GLMN: variants seen among roughly 807,000 people sequenced by gnomAD.
GLMN encodes glomulin, FKBP associated protein.
In GLMN, 75 loss-of-function variants were observed where a neutral mutation model predicts 87.8. The ratio of observed to expected loss-of-function variants is 0.85; its 90% CI spans 0.71 to 1.04. GLMN has a LOEUF of 1.04. Among genes scored for constraint, GLMN ranks in the 50% least tolerant of loss-of-function variants. GLMN has a pLI of 0.00. For missense variants in GLMN, 588 were observed against 658.8 expected, an observed-to-expected ratio of 0.89 and a Z score of 1.18; for synonymous variants, 206 against 221.6, an observed-to-expected ratio of 0.93 and a Z score of 0.63.
intron 16 of GLMN, among the ~76,000 whole-genome samples, chr1:92,262,282 AAG>A (rs1278287807): frequency 1.3e-5 from 2 of 152,234 alleles, no homozygotes; most frequent in Non-Finnish European, 2.9e-5. Flanking sequence ...ACAGGGTAGA[AAG>A]AGAAGATAAA....
At chr1:92,349,678 A>G in the GLMN span, among the ~76,000 whole-genome samples, 15 of 152,332 alleles carry the variant, frequency 9.8e-5, no homozygotes, top group East Asian at 2.9e-3. Flanking sequence ...CTATAATCCC[A>G]GCATTTTGGG....
At chr1:92,295,427 C>CTTTG (rs1255217964) in intron 3 of GLMN, among the ~76,000 whole-genome samples, 1 of 152,132 alleles carries the variant, frequency 6.6e-6, no homozygotes. Context: ...CTCTACTGAG[C>CTTTG]TCAAAACCTT....
At chr1:92,352,978 C>T in the GLMN span, among the ~76,000 whole-genome samples, 2 of 152,184 alleles carry the variant, frequency 1.3e-5, no homozygotes, top group South Asian at 2.1e-4. Context: ...GCTTCTTTCA[C>T]GTAACATGTT....
chr1:92,328,241 A>C, the GLMN span, among the ~76,000 whole-genome samples: 1 of 152,150 alleles, frequency 6.6e-6, no homozygotes, highest in Non-Finnish European at 1.5e-5. Flanking sequence ...TTATTCCCTC[A>C]AATATGTTTT....
At chr1:92,285,948 T>C (rs1210332984) in intron 7 of GLMN, among the ~76,000 whole-genome samples, 1 of 152,162 alleles carries the variant, frequency 6.6e-6, no homozygotes, top group Non-Finnish European at 1.5e-5. Context: ...TTTGAAAATA[T>C]TTATCACAGG....
chr1:92,358,656 C>T, the GLMN span, among the ~76,000 whole-genome samples: 1 of 152,058 alleles, frequency 6.6e-6, no homozygotes, highest in East Asian at 1.9e-4. Context: ...GGCACAGTCG[C>T]AGCTCACTAA....
intron 16 of GLMN, among the ~76,000 whole-genome samples, chr1:92,248,893 G>A (rs903407476): frequency 2.6e-5 from 4 of 152,062 alleles, no homozygotes; most frequent in East Asian, 3.9e-4. Context: ...TACTAGAGAG[G>A]ATCTAAAACC....
chr1:92,362,476 G>C, the GLMN span, among the ~76,000 whole-genome samples: 47 of 152,260 alleles, frequency 3.1e-4, no homozygotes, highest in South Asian at 9.7e-3. Flanking sequence ...TGTTTGTGTT[G>C]TCCCACCATT....
chr1:92,307,794 A>G, the GLMN span, among the ~76,000 whole-genome samples: 1 of 151,970 alleles, frequency 6.6e-6, no homozygotes, highest in East Asian at 1.9e-4. Context: ...TGATTTAAAT[A>G]CTGGCAATGT....
chr1:92,255,967 C>G (rs906087660), intron 16 of GLMN, among the ~76,000 whole-genome samples: 4 of 152,032 alleles, frequency 2.6e-5, no homozygotes, highest in African/African-American at 9.7e-5. Context: ...ATCAGTGAAT[C>G]CAGAAGCTGC....
chr1:92,253,722 T>G (rs1253667252), intron 16 of GLMN, among the ~76,000 whole-genome samples: 1 of 152,096 alleles, frequency 6.6e-6, no homozygotes, highest in Non-Finnish European at 1.5e-5. Flanking sequence ...GCAATAGCAT[T>G]AACGTCAACA....
At chr1:92,256,397 A>G (rs1284937406) in intron 16 of GLMN, among the ~76,000 whole-genome samples, 1 of 152,228 alleles carries the variant, frequency 6.6e-6, no homozygotes, top group Non-Finnish European at 1.5e-5. Flanking sequence ...TCCCTAACTC[A>G]TTTTATGAGG....
chr1:92,257,536 T>C (rs1176832319), intron 16 of GLMN, among the ~76,000 whole-genome samples: 1 of 152,154 alleles, frequency 6.6e-6, no homozygotes, highest in Non-Finnish European at 1.5e-5. Flanking sequence ...ATGGTACTGG[T>C]ACCAAAACAG....
At chr1:92,261,836 G>GAGGGTGGAGTGATAGAC (rs1553136985) in intron 16 of GLMN, among the ~76,000 whole-genome samples, 1 of 152,122 alleles carries the variant, frequency 6.6e-6, no homozygotes, top group African/African-American at 2.4e-5. Context: ...GTGATAGACA[G>GAGGGTGGAGTGATAGAC]AGGGTGGAGT....
chr1:92,276,225 CA>C (rs966343309), intron 7 of GLMN, among the ~76,000 whole-genome samples: 1 of 151,528 alleles, frequency 6.6e-6, no homozygotes, highest in African/African-American at 2.4e-5. Flanking sequence ...GACCCTATCT[CA>C]AAAAATATAT....
chr1:92,304,235 C>T, the GLMN span: 1 of 1,265,008 alleles, frequency 7.9e-7, no homozygotes, highest in Non-Finnish European at 1.1e-6. Context: ...ACATAACGTT[C>T]ATGTTTATTA....
the GLMN span, chr1:92,345,701 A>G: frequency 1.0e-5 from 6 of 580,662 alleles, no homozygotes; most frequent in Non-Finnish European, 1.8e-5. Context: ...TTATTATACT[A>G]TTGACTCTTT....
At chr1:92,312,786 C>T in the GLMN span, among the ~76,000 whole-genome samples, 2 of 151,976 alleles carry the variant, frequency 1.3e-5, no homozygotes, top group African/African-American at 4.8e-5. Flanking sequence ...ATATTTTGGC[C>T]TCCTCCCATG....
At chr1:92,325,051 T>G in the GLMN span, among the ~76,000 whole-genome samples, 1 of 152,204 alleles carries the variant, frequency 6.6e-6, no homozygotes, top group Non-Finnish European at 1.5e-5. Context: ...TTTATCACAG[T>G]ACATGACATA....
Sources: allele counts gnomAD v4.1 joint callset (sites outside exome capture counted in the v4.1 genomes callset), GRCh38; gene constraint gnomAD v4.1.1; transcripts MANE v1.5; gene names NCBI Gene and HGNC (gene_info 2026-07-23, HGNC 2026-07-21).